The following ANK2 variants were observed in gnomAD, a reference collection of about 807,000 sequenced individuals.
The protein encoded by ANK2 is ankyrin 2.
A neutral mutation model predicts 360.5 loss-of-function variants in ANK2; 83 were observed. That is an observed-to-expected ratio of 0.23 (90% CI 0.19 to 0.28). The LOEUF is 0.28. Ranked by LOEUF, ANK2 falls within the 10% of genes least tolerant of loss-of-function variation. ANK2 has a pLI of 1.00. For synonymous variants in ANK2, 1,740 were observed against 1,759.5 expected, an observed-to-expected ratio of 0.99 and a Z score of 0.28; for missense variants, 4,201 against 4,795.7, an observed-to-expected ratio of 0.88 and a Z score of 3.66.
rs1253070888 is a variant in ANK2, at chr4:112,895,839, G to T, written c.-39-8616G>T. On this transcript the variant is annotated intron_variant, in intron 1 of 30. Coordinates refer to the ANK2 transcript ENST00000503271. ...TCAGAACAAAAGCAGCTCAAAAATA[G>T]TGTTCTTGGTTGACAGTAATGTCAG... is the stretch of plus-strand genomic sequence containing the variant. Among the ~76,000 whole-genome samples the T allele has an allele frequency of 2.6e-5, 4 of 152,316 alleles. No individual in the cohort carries two copies. In the East Asian group the frequency reaches 7.7e-4, roughly 29 times the overall value.
chr4:113,186,993 C>G (rs2098542518), intron 2 of ANK2, among the ~76,000 whole-genome samples: 1 of 151,860 alleles, frequency 6.6e-6, no homozygotes, highest in South Asian at 2.1e-4. Context: ...GACCAAGATG[C>G]AGATGAGCAA....
intron 1 of ANK2, among the ~76,000 whole-genome samples, chr4:113,118,243 C>A (rs1047587203): frequency 1.3e-5 from 2 of 152,096 alleles, no homozygotes; most frequent in African/African-American, 4.8e-5. Context: ...TTTTAATTAA[C>A]AAAGTAGGTC....
chr4:113,057,156 TTCTA>T (rs2070463879), intron 1 of ANK2, among the ~76,000 whole-genome samples: 2 of 152,174 alleles, frequency 1.3e-5, no homozygotes, highest in African/African-American at 2.4e-5. Context: ...GAGCAGACAT[TTCTA>T]TCTAAGAAAA....
intron 2 of ANK2, among the ~76,000 whole-genome samples, chr4:113,018,134 G>T (rs35052270): frequency 6.6e-6 from 1 of 152,070 alleles, no homozygotes; most frequent in Non-Finnish European, 1.5e-5. Context: ...AGTCAGTCTT[G>T]ATGTCTGTGT....
chr4:113,001,072 C>T (rs1007814821), intron 2 of ANK2, among the ~76,000 whole-genome samples: 2 of 152,174 alleles, frequency 1.3e-5, no homozygotes, highest in East Asian at 1.9e-4. Flanking sequence ...CGGTGGTTCA[C>T]GCCTGTAATC....
At chr4:113,284,956 A>T (rs967641259) in intron 18 of ANK2, among the ~76,000 whole-genome samples, 1 of 152,132 alleles carries the variant, frequency 6.6e-6, no homozygotes, top group Admixed American at 6.6e-5. Context: ...ATAGTCTCCA[A>T]ATGATTATTT....
At chr4:112,954,224 T>G (rs544321912) in intron 2 of ANK2, among the ~76,000 whole-genome samples, 1 of 46,242 alleles carries the variant, frequency 2.2e-5, no homozygotes, top group South Asian at 8.5e-4. Context: ...CATCCCTCCC[T>G]CCCTCCCTTC....
At chr4:112,769,429 T>C in the ANK2 span, among the ~76,000 whole-genome samples, 5 of 152,210 alleles carry the variant, frequency 3.3e-5, no homozygotes, top group African/African-American at 1.2e-4. Context: ...ATTGAGGCCA[T>C]TAATGCAATC....
intron 1 of ANK2, among the ~76,000 whole-genome samples, chr4:113,129,553 C>A (rs566672016): frequency 1.3e-5 from 2 of 152,114 alleles, no homozygotes; most frequent in Non-Finnish European, 2.9e-5. Flanking sequence ...TTGTTTTAAA[C>A]GTATGACTGC....
intron 8 of ANK2, among the ~76,000 whole-genome samples, chr4:113,241,483 A>T (rs1029264391): frequency 2.6e-5 from 4 of 152,064 alleles, no homozygotes; most frequent in Non-Finnish European, 5.9e-5. Context: ...GACTACAGGA[A>T]CACACTACCA....
chr4:112,791,173 G>T, the ANK2 span, among the ~76,000 whole-genome samples: 1 of 152,158 alleles, frequency 6.6e-6, no homozygotes, highest in African/African-American at 2.4e-5. Flanking sequence ...TATGAGAGTG[G>T]AATTGGACAC....
chr4:112,760,350 C>G, the ANK2 span, among the ~76,000 whole-genome samples: 2 of 152,136 alleles, frequency 1.3e-5, no homozygotes, highest in Non-Finnish European at 2.9e-5. Context: ...CCACGCCCGG[C>G]TAATTTTTTT....
chr4:113,290,635 A>AAAAC (rs754084475), intron 20 of ANK2, among the ~76,000 whole-genome samples: 21 of 152,196 alleles, frequency 1.4e-4, no homozygotes, highest in Admixed American at 5.2e-4. Context: ...TTCAATTAGA[A>AAAAC]AAACAAACAA....
At chr4:112,927,406 A>G (rs1456518360) in intron 2 of ANK2, among the ~76,000 whole-genome samples, 7 of 152,178 alleles carry the variant, frequency 4.6e-5, no homozygotes, top group Non-Finnish European at 1.0e-4. Flanking sequence ...TGGATTTTCC[A>G]TCTGGGATAT....
chr4:112,750,877 G>A, the ANK2 span, among the ~76,000 whole-genome samples: 11 of 152,072 alleles, frequency 7.2e-5, no homozygotes, highest in African/African-American at 2.7e-4. Context: ...ACAGGCACGG[G>A]CCACCATGCC....
At chr4:112,933,792 G>C (rs990538868) in intron 2 of ANK2, among the ~76,000 whole-genome samples, 1 of 152,174 alleles carries the variant, frequency 6.6e-6, no homozygotes, top group African/African-American at 2.4e-5. Context: ...GAGTCACTGT[G>C]CCCGGCAGAG....
the ANK2 span, among the ~76,000 whole-genome samples, chr4:112,771,973 G>C: frequency 1.1e-3 from 164 of 152,228 alleles, no homozygotes; most frequent in African/African-American, 3.6e-3. Context: ...TTTCCTCTGG[G>C]TACAGAGTGG....
At position 113,009,695 on chromosome 4, in the gene ANK2, T is replaced by C. The variant is rs370507830; in HGVS notation, c.21+105181T>C. ...GTGTTGGACCACTCCTGATGATAAG[T>C]GGCTTGGGAAAGGATTTGGATTTCT... is the stretch of plus-strand genomic sequence containing the variant. On this transcript the variant is annotated intron_variant, in intron 2 of 30. Coordinates refer to the ANK2 transcript ENST00000503271. 9.3e-4 allele frequency among the ~76,000 whole-genome samples: 141 copies of C among 152,242 alleles called. 1 individual carries two copies. The highest frequency in any genetic ancestry group is 3.2e-3 in the African/African-American group (131 of 41,546).
At chr4:113,149,800 TG>T (rs1489160383) in intron 1 of ANK2, among the ~76,000 whole-genome samples, 1 of 124,914 alleles carries the variant, frequency 8.0e-6, no homozygotes, top group Non-Finnish European at 1.6e-5. Context: ...CACCTGAGCC[TG>T]GGGAGGTGGA....
Sources: allele counts gnomAD v4.1 joint callset (sites outside exome capture counted in the v4.1 genomes callset), GRCh38; gene constraint gnomAD v4.1.1; transcripts MANE v1.5; gene names NCBI Gene and HGNC (gene_info 2026-07-23, HGNC 2026-07-21).